Variants in MROH1 observed in about 807,000 individuals in gnomAD.
MROH1 encodes maestro heat like repeat family member 1, also known as maestro heat-like repeat-containing protein family member 1.
In MROH1, 117 loss-of-function variants were observed where a neutral mutation model predicts 116.5. That is an observed-to-expected ratio of 1.00 (90% CI 0.86 to 1.17). The LOEUF is 1.17. Among genes scored for constraint, MROH1 ranks in the 50% most tolerant of loss-of-function variants. MROH1 has a pLI of 0.00. For missense variants in MROH1, 1,873 were observed against 1,338.5 expected (o/e 1.40, Z -6.23); for synonymous variants, 921 against 583.9 (o/e 1.58, Z -8.32).
chr8:144,217,602 T>TTTTTC (rs1300836203), intron 12 of MROH1, among the ~76,000 whole-genome samples: 5 of 152,114 alleles, frequency 3.3e-5, no homozygotes, highest in African/African-American at 9.7e-5. Context: ...TTGTTGTTGT[T>TTTTTC]TTTTCTTTTC....
Position 144,257,605 on chromosome 8 carries a change from C to T in MROH1, c.3792-1172C>T, listed in dbSNP as rs1844130814. ...CCCACCACACCCTCCTCCTAGATCC[C>T]ACCTGCATGAGGGCCTCACACACCA... is the stretch of plus-strand genomic sequence containing the variant. On this transcript the variant is annotated intron_variant, in intron 35 of 43. Transcript: ENST00000326134. Among the ~76,000 whole-genome samples, 3 of 152,330 alleles carry T rather than the reference C, an allele frequency of 2.0e-5. No homozygotes were observed. In the East Asian group the frequency reaches 5.8e-4, roughly 29 times the overall value.
intron 12 of MROH1, among the ~76,000 whole-genome samples, chr8:144,218,586 A>T (rs916254348): frequency 2.0e-5 from 3 of 150,270 alleles, no homozygotes; most frequent in African/African-American, 7.4e-5. Context: ...CTTCCAGCTC[A>T]ATTCATACTA....
intron 17 of MROH1, 70 bp from the exon 18 acceptor site, chr8:144,239,544 T>C: frequency 1.3e-6 from 1 of 761,286 alleles, no homozygotes; most frequent in South Asian, 1.4e-5. Context: ...GATGTGGTCC[T>C]GCAGGTGCAG....
intron 11 of MROH1, among the ~76,000 whole-genome samples, chr8:144,199,477 A>G (rs1588105908): frequency 1.3e-5 from 2 of 151,900 alleles, no homozygotes; most frequent in African/African-American, 2.4e-5. Context: ...CACATTCCCT[A>G]CCTGCCCCCC....
At chr8:144,230,320 A>G (rs966894000) in intron 14 of MROH1, among the ~76,000 whole-genome samples, 1 of 152,194 alleles carries the variant, frequency 6.6e-6, no homozygotes, top group Non-Finnish European at 1.5e-5. Flanking sequence ...AGACTTTCTC[A>G]GTGTCAGCAA....
At chr8:144,214,476 G>A (rs1258820503) in intron 12 of MROH1, 1 of 152,214 alleles carries the variant, frequency 6.6e-6, no homozygotes, top group East Asian at 1.9e-4. Context: ...CTTGAGGAGT[G>A]AATAAAATAT....
At chr8:144,216,994 T>C (rs1045784540) in intron 12 of MROH1, among the ~76,000 whole-genome samples, 10 of 152,156 alleles carry the variant, frequency 6.6e-5, no homozygotes, top group Non-Finnish European at 1.3e-4. Flanking sequence ...GGCCTATTGC[T>C]AAGTTCTTAT....
At chr8:144,234,498 G>GTTTTTTGTTTTTTTTTTTTTTTTTTTTTT (rs1839629648) in intron 14 of MROH1, among the ~76,000 whole-genome samples, 1 of 18,090 alleles carries the variant, frequency 5.5e-5, no homozygotes, top group Non-Finnish European at 1.2e-4. Context: ...TTTCTTTTTC[G>GTTTTTTGTTTTTTTTTTTTTTTTTTTTTT]TTTTTTTTTT....
intron 35 of MROH1, among the ~76,000 whole-genome samples, chr8:144,257,656 A>G (rs1011973131): frequency 5.1e-4 from 78 of 152,286 alleles, no homozygotes; most frequent in African/African-American, 1.8e-3. Context: ...CCTGGCCCCC[A>G]GCTTGGCGGG....
intron 12 of MROH1, among the ~76,000 whole-genome samples, chr8:144,207,345 G>A (rs1369205266): frequency 4.6e-5 from 7 of 152,002 alleles, no homozygotes; most frequent in Admixed American, 1.3e-4. Context: ...TCACCACCAT[G>A]CCCAGCTAAT....
chr8:144,254,512 A>C, intron 33 of MROH1: 10 of 319,920 alleles, frequency 3.1e-5, no homozygotes, highest in African/African-American at 4.3e-5. Flanking sequence ...CCTCCAGGGA[A>C]GATTTGTTCT....
At chr8:144,247,198 G>A in intron 29 of MROH1, 103 bp from the exon 30 acceptor site, 1 of 695,778 alleles carries the variant, frequency 1.4e-6, no homozygotes, top group South Asian at 1.5e-5. Flanking sequence ...GTGGACACCA[G>A]CAGCACTCCT....
In MROH1 at chr8:144,162,084, C is replaced by CT. The variant is rs1179685748; in HGVS notation, c.-57+1013dup. Among the ~76,000 whole-genome samples the CT allele has an allele frequency of 7.9e-3, 1,078 of 136,104 alleles. 10 individuals are homozygous for CT. The highest frequency in any genetic ancestry group is 0.037 in the East Asian group (176 of 4,758). 89.3% of individuals were successfully genotyped at this position (136,104 alleles called of 152,430 possible). A position where few individuals can be genotyped will look rare whatever the true frequency, so the allele number is the denominator to read the frequency against. On this transcript the variant is annotated intron_variant, in intron 2 of 43. Transcript: ENST00000326134. The stretch of plus-strand genomic sequence containing the variant: ...GAATATGTTTTTTTGTTTTTCTTTT[C>CT]TTTTTTTTTTTTTTTTTTAAGACAG...
At position 144,260,879 on chromosome 8, in the gene MROH1, G is replaced by GACTT. The variant is rs1157073278; in HGVS notation, c.4537-27_4537-24dup. 3 of 777,470 alleles carry GACTT rather than the reference G, an allele frequency of 3.9e-6. No individual in the cohort carries two copies. In the African/African-American group the frequency reaches 5.1e-5, roughly 13 times the overall value. The allele number at this position is 777,470 out of a possible 1,614,324, so 48.2% of individuals were successfully genotyped here. A position where few individuals can be genotyped will look rare whatever the true frequency, so the allele number is the denominator to read the frequency against. On this transcript the variant is annotated intron_variant, in intron 40 of 43. Coordinates refer to ENST00000326134, the MANE Select transcript of MROH1 (RefSeq NM_032450.3). ...GGGATGGGGTGGGTGGCCTCAACTG[G>GACTT]ACTTGGCCCCAGTGCCGCATCCCTT...
chr8:144,240,995 T>G lies in MROH1; in HGVS notation c.1939T>G (p.Phe647Val). 1.3e-6 allele frequency: 1 copy of G among 759,790 alleles called. No homozygotes were observed. The highest frequency in any genetic ancestry group is 1.4e-5 in the South Asian group (1 of 70,808). 47.1% of individuals were successfully genotyped at this position (759,790 alleles called of 1,614,324 possible). ...CYDEAPQEKN[F>V]LYKCIGTTLG... ...GTGTTCTCTGGTTTTGTTTCAGAAC[T>G]TCCTGTACAAATGCATAGGCACCAC... Residue 647 changes from phenylalanine (F) to valine (V), a missense_variant, in exon 21 of 44, where the codon TTC becomes GTC. Coordinates refer to ENST00000326134, the MANE Select transcript of MROH1 (RefSeq NM_032450.3).
chr8:144,153,747 C>A (rs1817393555), intron 1 of MROH1, among the ~76,000 whole-genome samples: 4 of 152,068 alleles, frequency 2.6e-5, no homozygotes, highest in Non-Finnish European at 2.9e-5. Context: ...GATGATATGG[C>A]AGTTCTGTTT....
intron 10 of MROH1, among the ~76,000 whole-genome samples, chr8:144,198,814 A>G (rs1235384873): frequency 6.6e-6 from 1 of 152,110 alleles, no homozygotes; most frequent in African/African-American, 2.4e-5. Flanking sequence ...GGAAGGTGGC[A>G]GGAGCAGGAT....
At chr8:144,175,568 G>C in intron 4 of MROH1, 2 of 985,174 alleles carry the variant, frequency 2.0e-6, no homozygotes, top group Non-Finnish European at 2.4e-6. Context: ...GTCCCAGGTG[G>C]GGATGGGCTT....
In MROH1 at chr8:144,180,612, G is replaced by T; in HGVS notation, c.562+89G>T. On this transcript the variant is annotated intron_variant, in intron 7 of 43. Coordinates refer to ENST00000326134, the MANE Select transcript of MROH1 (RefSeq NM_032450.3). The surrounding 1 kb of genome is among the most constrained non-coding windows in gnomAD (Gnocchi z 7.4). ...TGCCTGTTTTAGGGGGGACAGGTGG[G>T]CACTTTAGGCTGCAGGAAGGGGGGC... The T allele has an allele frequency of 1.6e-6, 2 of 1,263,922 alleles. No individual in the cohort carries two copies. The highest frequency in any genetic ancestry group is 2.2e-6 in the Non-Finnish European group (2 of 915,432). The allele number at this position is 1,263,922 out of a possible 1,614,324, so 78.3% of individuals were successfully genotyped here.
Sources: allele counts gnomAD v4.1 joint callset (sites outside exome capture counted in the v4.1 genomes callset), GRCh38; gene constraint gnomAD v4.1.1; non-coding constraint Gnocchi (gnomAD v3.1); transcripts MANE v1.5; gene names NCBI Gene and HGNC (gene_info 2026-07-23, HGNC 2026-07-21).